The following RFX3 variants were observed in gnomAD, a reference collection of about 807,000 sequenced individuals.
RFX3 encodes transcription factor RFX3.
A neutral mutation model predicts 98.6 loss-of-function variants in RFX3; 14 were observed. That is an observed-to-expected ratio of 0.14 (90% CI 0.09 to 0.22). The LOEUF (loss-of-function observed/expected upper bound fraction) is 0.22. RFX3 is among the 10% of genes least tolerant of loss of function. The probability of loss-of-function intolerance (pLI) is 1.00; values close to 1 mark genes in which losing one functional copy is unlikely to be tolerated. For synonymous variants in RFX3, 383 were observed against 328.4 expected, an observed-to-expected ratio of 1.17 and a Z score of -1.80; for missense variants, 639 against 926.9, an observed-to-expected ratio of 0.69 and a Z score of 4.03.
At chr9:3,314,439 C>T (rs571262367) in intron 4 of RFX3, among the ~76,000 whole-genome samples, 3 of 152,104 alleles carry the variant, frequency 2.0e-5, no homozygotes, top group Non-Finnish European at 2.9e-5. Context: ...TAAAGACCAT[C>T]GATGCTAGGA....
chr9:3,366,669 T>C (rs1256108963), intron 2 of RFX3, among the ~76,000 whole-genome samples: 1 of 149,150 alleles, frequency 6.7e-6, no homozygotes, highest in Admixed American at 6.7e-5. Flanking sequence ...TTTCTTTCTC[T>C]TTCTCTTTCT....
At chr9:3,509,032 A>G (rs1817405393) in intron 1 of RFX3, among the ~76,000 whole-genome samples, 1 of 151,878 alleles carries the variant, frequency 6.6e-6, no homozygotes, top group Non-Finnish European at 1.5e-5. Flanking sequence ...AATCTTGGTA[A>G]TTACAATTCC....
At chr9:3,264,999 G>A (rs888784005) in intron 12 of RFX3, among the ~76,000 whole-genome samples, 2 of 152,140 alleles carry the variant, frequency 1.3e-5, no homozygotes, top group African/African-American at 4.8e-5. Flanking sequence ...ATAATCAAAG[G>A]CCACCTTCTT....
chr9:3,406,104 A>C (rs551693408), intron 1 of RFX3, among the ~76,000 whole-genome samples: 24 of 151,866 alleles, frequency 1.6e-4, no homozygotes, highest in Admixed American at 2.6e-4. Context: ...CCATGTGCAC[A>C]TGCCACCACG....
At chr9:3,459,172 T>C (rs951518031) in intron 1 of RFX3, among the ~76,000 whole-genome samples, 1 of 152,134 alleles carries the variant, frequency 6.6e-6, no homozygotes, top group Non-Finnish European at 1.5e-5. Flanking sequence ...AACTGCTTCA[T>C]CTGTACAAAC....
intron 1 of RFX3, among the ~76,000 whole-genome samples, chr9:3,496,000 CCAAAGGTAAT>C (rs1437980378): frequency 6.6e-6 from 1 of 151,902 alleles, no homozygotes; most frequent in Non-Finnish European, 1.5e-5. Context: ...CCAAAAAGTG[CCAAAGGTAAT>C]CAAACTTTTA....
At chr9:3,383,650 G>C (rs114724937) in intron 2 of RFX3, among the ~76,000 whole-genome samples, 4,057 of 152,138 alleles carry the variant, frequency 0.027, 200 homozygotes, top group African/African-American at 0.093. Context: ...GCTCCAGTTT[G>C]CTTTAAATAG....
intron 2 of RFX3, among the ~76,000 whole-genome samples, chr9:3,386,410 T>G (rs1238210023): frequency 6.6e-6 from 1 of 152,148 alleles, no homozygotes; most frequent in Admixed American, 6.6e-5. Context: ...TTATTTAATA[T>G]TTTTAGCTAT....
At chr9:3,358,313 T>C (rs1836011727) in intron 2 of RFX3, among the ~76,000 whole-genome samples, 1 of 152,144 alleles carries the variant, frequency 6.6e-6, no homozygotes, top group African/African-American at 2.4e-5. Context: ...TTTATGTCTG[T>C]GAAAATTTCA....
rs112358224 is a variant in RFX3 at position 3,460,813 on chromosome 9, A to G, written c.-9+64934T>C. On this transcript the variant is annotated intron_variant, in intron 1 of 16. Transcript: ENST00000617270. ...GCCATTTCTAAGTATACATGCTTCT[A>G]TTTCTACAGTGAGAAAAGACAATGC... 2.2e-3 allele frequency among the ~76,000 whole-genome samples: 339 copies of G among 152,024 alleles called. 4 individuals are homozygous for G. The highest frequency in any genetic ancestry group is 8.0e-3 in the African/African-American group (332 of 41,530).
At chr9:3,314,735 A>G (rs1023968856) in intron 4 of RFX3, among the ~76,000 whole-genome samples, 2 of 152,190 alleles carry the variant, frequency 1.3e-5, no homozygotes, top group Non-Finnish European at 1.5e-5. Context: ...CTAGTCTCTG[A>G]TAAAACAGAC....
chr9:3,311,687 C>A (rs1473280651), intron 4 of RFX3, among the ~76,000 whole-genome samples: 2 of 152,106 alleles, frequency 1.3e-5, no homozygotes, highest in East Asian at 3.9e-4. Flanking sequence ...GAGTTCAAGA[C>A]CAGCCTGGCC....
chr9:3,520,664 G>T (rs1337177648), intron 1 of RFX3, among the ~76,000 whole-genome samples: 1 of 152,066 alleles, frequency 6.6e-6, no homozygotes, highest in Non-Finnish European at 1.5e-5. Flanking sequence ...ATGAAGTACG[G>T]ATTGCATTCG....
At chr9:3,367,022 G>C (rs1837289250) in intron 2 of RFX3, among the ~76,000 whole-genome samples, 1 of 152,004 alleles carries the variant, frequency 6.6e-6, no homozygotes, top group South Asian at 2.1e-4. Context: ...AGATTTCAAA[G>C]TGGTAGGGTA....
chr9:3,504,373 A>G (rs1281542809), intron 1 of RFX3, among the ~76,000 whole-genome samples: 4 of 136,614 alleles, frequency 2.9e-5, no homozygotes, highest in African/African-American at 1.1e-4. Context: ...TAAAATATAT[A>G]TTATATACCA....
At chr9:3,385,536 C>T (rs139342178) in intron 2 of RFX3, among the ~76,000 whole-genome samples, 3,775 of 151,700 alleles carry the variant, frequency 0.025, 166 homozygotes, top group African/African-American at 0.088. Context: ...GGTGAAACCC[C>T]GTCTCTACTA....
At chr9:3,468,544 G>A (rs1434219264) in intron 1 of RFX3, among the ~76,000 whole-genome samples, 5 of 152,102 alleles carry the variant, frequency 3.3e-5, no homozygotes, top group African/African-American at 1.2e-4. Flanking sequence ...AATATGTGCT[G>A]CAGCTTTCAC....
rs1842812332 is a variant in RFX3 at position 3,414,878 on chromosome 9, GTA to G, written c.-8-19284_-8-19283del. ...TATGAGTATATATGTATATATATGAGTATATATAAGTATATATATGAGTATAT... is the reference window on the plus strand; with the variant it reads ...TATGAGTATATATGTATATATATGAGTATATAAGTATATATATGAGTATAT... On this transcript the variant is annotated intron_variant, in intron 1 of 16. Transcript: ENST00000617270. 1.5e-5 allele frequency among the ~76,000 whole-genome samples: 2 copies of G among 132,660 alleles called. 1 individual carries two copies. Among genetic ancestry groups the G allele is most frequent in the Admixed American group, 1.6e-4 (2 of 12,428 alleles). 87.0% of individuals were successfully genotyped at this position (132,660 alleles called of 152,430 possible).
intron 5 of RFX3, among the ~76,000 whole-genome samples, chr9:3,300,113 A>G (rs1405809219): frequency 6.6e-6 from 1 of 151,632 alleles, no homozygotes; most frequent in East Asian, 1.9e-4. Flanking sequence ...CCCCGGACAC[A>G]CACAGCCTAG....
Sources: allele counts gnomAD v4.1 joint callset (sites outside exome capture counted in the v4.1 genomes callset), GRCh38; gene constraint gnomAD v4.1.1; transcripts MANE v1.5; gene names NCBI Gene and HGNC (gene_info 2026-07-23, HGNC 2026-07-21).